The following CEP164 variants were observed in gnomAD, a reference collection of about 807,000 sequenced individuals.
The protein encoded by CEP164 is centrosomal protein 164.
Under a neutral mutation model 182.7 loss-of-function variants are expected in CEP164, and 162 were observed. The ratio of observed to expected loss-of-function variants is 0.89; its 90% CI spans 0.78 to 1.01. The LOEUF is 1.01. Among genes scored for constraint, CEP164 ranks in the 50% least tolerant of loss-of-function variants. The pLI is 0.00. For synonymous variants in CEP164, 661 were observed against 690.0 expected (o/e 0.96, Z 0.66); for missense variants, 1,735 against 1,790.4 (o/e 0.97, Z 0.56).
chr11:117,354,531 G>T (rs117754274), intron 5 of CEP164, among the ~76,000 whole-genome samples: 1 of 152,060 alleles, frequency 6.6e-6, no homozygotes, highest in African/African-American at 2.4e-5. Context: ...CCTCTTCTCT[G>T]TCACATGCAC....
chr11:117,357,566 C>T (rs1015090453), intron 5 of CEP164, among the ~76,000 whole-genome samples: 4 of 151,596 alleles, frequency 2.6e-5, no homozygotes, highest in African/African-American at 9.7e-5. Flanking sequence ...GGACTACAGG[C>T]GTGTGCTAAC....
chr11:117,398,344 G>T (rs1190031285), intron 27 of CEP164, among the ~76,000 whole-genome samples: 1 of 152,208 alleles, frequency 6.6e-6, no homozygotes, highest in Non-Finnish European at 1.5e-5. Flanking sequence ...TCCGAGGCTG[G>T]CATTGAGTAT....
At chr11:117,392,913 G>C in intron 19 of CEP164, 91 bp from the exon 20 acceptor site, 1 of 1,572,094 alleles carries the variant, frequency 6.4e-7, no homozygotes, top group African/African-American at 1.3e-5. Context: ...GGGAGATTGG[G>C]GAAATGTGTG....
chr11:117,344,047 A>T, intron 3 of CEP164, 119 bp from the exon 4 acceptor site: 2 of 628,640 alleles, frequency 3.2e-6, no homozygotes, highest in South Asian at 4.0e-5. Flanking sequence ...TTTATTGTTT[A>T]TAATTTAAAG....
At chr11:117,324,297 C>T (rs906488797), upstream of CEP164, among the ~76,000 whole-genome samples, 2 of 151,796 alleles carry the variant, frequency 1.3e-5, no homozygotes, top group Non-Finnish European at 2.9e-5. Context: ...AACTACAAAA[C>T]ATAGCCCGGT....
In CEP164 at chr11:117,387,432, G is replaced by A. The variant is rs781415526; in HGVS notation, c.1934+20G>A. On this transcript the variant is annotated intron_variant, in intron 15 of 32. Coordinates refer to ENST00000278935, the MANE Select transcript of CEP164 (RefSeq NM_014956.5). ...TCTCAGGTCCTGCCCTTCCCCTTAGGCATGCTTCCTGGGGCCTTTCAGGGA... is the reference window on the plus strand; with the variant it reads ...TCTCAGGTCCTGCCCTTCCCCTTAGACATGCTTCCTGGGGCCTTTCAGGGA... The A allele has an allele frequency of 1.2e-6, 2 of 1,611,814 alleles. No homozygotes were observed. The highest frequency in any genetic ancestry group is 1.7e-6 in the Non-Finnish European group (2 of 1,178,480).
chr11:117,361,911 C>G lies in CEP164; in HGVS notation c.470C>G (p.Pro157Arg). The G allele has an allele frequency of 6.2e-7, 1 of 1,612,828 alleles. No homozygotes were observed. The highest frequency in any genetic ancestry group is 8.5e-7 in the Non-Finnish European group (1 of 1,179,746). Residue 157 changes from proline (P) to arginine (R), a missense_variant, in exon 6 of 33, where the codon CCA becomes CGA. Transcript: ENST00000278935. ...LAPLRGLVDT[P>R]PSALRGSQSV... is the part of the protein sequence containing the mutation. ...CCTTTACGAGGTCTTGTGGATACCC[C>G]ACCCTCTGCTCTTCGTGGATCTCAA...
At chr11:117,410,068 T>C in intron 30 of CEP164, 103 bp downstream of exon 30, 1 of 1,112,634 alleles carries the variant, frequency 9.0e-7, no homozygotes, top group Non-Finnish European at 1.3e-6. Flanking sequence ...CCTCTTCCTC[T>C]TTTGCATCCC....
intron 3 of CEP164, among the ~76,000 whole-genome samples, chr11:117,339,921 A>G (rs765880845): frequency 2.0e-5 from 3 of 152,152 alleles, no homozygotes; most frequent in Non-Finnish European, 2.9e-5. Flanking sequence ...AGGCACAGAA[A>G]GATTAACTTC....
chr11:117,348,889 A>C (rs915340347), intron 4 of CEP164, among the ~76,000 whole-genome samples: 2 of 152,196 alleles, frequency 1.3e-5, no homozygotes, highest in African/African-American at 4.8e-5. Flanking sequence ...GGAATTATGC[A>C]ATATTTGTCC....
chr11:117,355,298 C>T, intron 5 of CEP164: 1 of 1,289,804 alleles, frequency 7.8e-7, no homozygotes, highest in South Asian at 1.2e-5. Flanking sequence ...GTTTTCAGAT[C>T]CTGAAACAGA....
chr11:117,387,291 C>A lies in CEP164; in HGVS notation c.1813C>A (p.Gln605Lys), dbSNP rs2044079917. 1.2e-6 allele frequency: 2 copies of A among 1,614,224 alleles called. No individual in the cohort carries two copies. Among genetic ancestry groups the A allele is most frequent in the Non-Finnish European group, 1.7e-6 (2 of 1,180,042 alleles). ...MEEAVAQVLE[Q>K]DQRHLLESKQ... ...AGAGGCAGTGGCCCAAGTACTCGAG[C>A]AAGACCAGAGGCACCTGCTGGAATC... is the stretch of plus-strand genomic sequence containing the variant. The change falls in exon 15 of 33, where the codon CAA becomes AAA. Residue 605 changes from glutamine to lysine, a missense_variant. Transcript: ENST00000278935.
chr11:117,341,798 A>G (rs1302777620), intron 3 of CEP164, among the ~76,000 whole-genome samples: 1 of 152,034 alleles, frequency 6.6e-6, no homozygotes, highest in Non-Finnish European at 1.5e-5. Context: ...GGTCCTTTGC[A>G]CCTGTGCTTC....
upstream of CEP164, among the ~76,000 whole-genome samples, chr11:117,327,528 C>G (rs2035528586): frequency 6.7e-6 from 1 of 148,462 alleles, no homozygotes; most frequent in African/African-American, 2.5e-5. Flanking sequence ...TCTCGAACTC[C>G]TGACCTCAGG....
At chr11:117,379,462 C>T (rs1038356499) in intron 11 of CEP164, among the ~76,000 whole-genome samples, 8 of 152,102 alleles carry the variant, frequency 5.3e-5, no homozygotes, top group East Asian at 3.8e-4. Flanking sequence ...GGGCTCCTGT[C>T]GGTGTGACAG....
chr11:117,393,595 A>G (rs1171599225), intron 20 of CEP164, among the ~76,000 whole-genome samples: 1 of 152,190 alleles, frequency 6.6e-6, no homozygotes, highest in Non-Finnish European at 1.5e-5. Context: ...TAGCTTCCCA[A>G]GATCACACCC....
chr11:117,385,151 T>C (rs964078325), intron 14 of CEP164: 3 of 152,344 alleles, frequency 2.0e-5, no homozygotes, highest in Non-Finnish European at 4.4e-5. Context: ...CTCCCTGCTT[T>C]CCCTTCTTGC....
rs2047007327 is a variant in CEP164 at position 117,408,918 on chromosome 11, C to T, written c.3638C>T (p.Ser1213Phe). ...TCAGATGAGGGCACTCTGGGAGGAT[C>T]CCCCACCAAGAAGGCAGTAACCTTC... ...EASDEGTLGG[S>F]PTKKAVTFDL... is the part of the protein sequence containing the mutation. Residue 1213 changes from serine (S) to phenylalanine (F), a missense_variant, in exon 29 of 33, where the codon TCC (serine) becomes TTC (phenylalanine). Physicochemically the swap from Ser to Phe is radical, Grantham distance 155. Coordinates refer to ENST00000278935, the MANE Select transcript of CEP164 (RefSeq NM_014956.5). The T allele has an allele frequency of 2.5e-6, 4 of 1,614,086 alleles. No individual in the cohort carries two copies. The highest frequency in any genetic ancestry group is 3.4e-6 in the Non-Finnish European group (4 of 1,179,996).
Position 117,408,564 on chromosome 11 carries a change from C to T in CEP164, c.3610-326C>T, listed in dbSNP as rs141815093. 8.8e-3 allele frequency: 3,168 copies of T among 358,390 alleles called. 27 individuals carry two copies. Among genetic ancestry groups the T allele is most frequent in the Non-Finnish European group, 0.013 (2,439 of 189,624 alleles). 22.2% of individuals were successfully genotyped at this position (358,390 alleles called of 1,614,324 possible). On this transcript the variant is annotated intron_variant, in intron 28 of 32. Transcript: ENST00000278935. ...ATGCTGAGCCTTGCCTCCCTCCCAC[C>T]CTGCTGTGAGGCAGCCTGTGTGATT... is the stretch of plus-strand genomic sequence containing the variant.
Sources: gnomAD v4.1 joint callset for allele counts (sites outside exome capture counted in the v4.1 genomes callset) on GRCh38, gnomAD v4.1.1 for gene constraint, MANE v1.5 for transcripts, NCBI Gene and HGNC (gene_info 2026-07-23, HGNC 2026-07-21) for gene names.